PGAP1: variants seen among roughly 807,000 people sequenced by gnomAD.
PGAP1 encodes GPI inositol-deacylase.
Under a neutral mutation model 127.0 loss-of-function variants are expected in PGAP1, and 76 were observed. The observed-to-expected ratio is 0.60, with a 90% CI of 0.50 to 0.72. The LOEUF is 0.72. PGAP1 is among the 30% of genes least tolerant of loss of function. The probability of loss-of-function intolerance (pLI) is 0.00; values close to 1 mark genes in which losing one functional copy is unlikely to be tolerated. For missense variants in PGAP1, 982 were observed against 1,071.3 expected, an observed-to-expected ratio of 0.92 and a Z score of 1.16; for synonymous variants, 362 against 366.5, an observed-to-expected ratio of 0.99 and a Z score of 0.14.
chr2:196,837,661 A>G lies in PGAP1; in HGVS notation c.*3573T>C, dbSNP rs1048932289. The G allele has an allele frequency of 6.6e-6, 1 of 152,178 alleles. No homozygotes were observed. The highest frequency in any genetic ancestry group is 1.5e-5 in the Non-Finnish European group (1 of 68,026). 9.4% of individuals were successfully genotyped at this position (152,178 alleles called of 1,614,324 possible). A position where few individuals can be genotyped will look rare whatever the true frequency, so the allele number is the denominator to read the frequency against. ...ACATATAGGAACTAAATAATGAACA[A>G]AACAAATAATCCACCTCATGTAAGT... is the stretch of plus-strand genomic sequence containing the variant. On this transcript the variant is annotated 3_prime_UTR_variant, in exon 27 of 27. Coordinates refer to ENST00000354764, the MANE Select transcript of PGAP1 (RefSeq NM_024989.4).
chr2:196,913,403 G>T (rs766074159), intron 3 of PGAP1, among the ~76,000 whole-genome samples: 1 of 152,128 alleles, frequency 6.6e-6, no homozygotes, highest in African/African-American at 2.4e-5. Context: ...ATAAGAAATC[G>T]GATAATTTGT....
At chr2:196,859,669 G>A (rs1236670859) in intron 20 of PGAP1, among the ~76,000 whole-genome samples, 1 of 152,054 alleles carries the variant, frequency 6.6e-6, no homozygotes, top group African/African-American at 2.4e-5. Context: ...CATTCACCAC[G>A]ATGAAGTGGG....
In PGAP1 at chr2:196,916,451, A is replaced by G. The variant is rs764391349; in HGVS notation, c.444T>C (p.His148=). The part of the protein sequence containing the change: ...GSLQKQTKFV[H]ECIKTILKLY... Reference sequence around the variant, plus strand: ...GTTTGAGAATTGTTTTAATACATTCATGTACAAACTTGGTCTGCTTCTGAA... The same window carrying G: ...GTTTGAGAATTGTTTTAATACATTCGTGTACAAACTTGGTCTGCTTCTGAA... Residue 148 remains histidine (H), a synonymous_variant, in exon 3 of 27, where the codon CAT becomes CAC. Coordinates refer to ENST00000354764, the MANE Select transcript of PGAP1 (RefSeq NM_024989.4). 3.9e-5 allele frequency: 63 copies of G among 1,612,780 alleles called. No individual in the cohort carries two copies. Among genetic ancestry groups the G allele is most frequent in the Non-Finnish European group, 5.3e-5 (62 of 1,179,534 alleles).
Position 196,844,578 on chromosome 2 carries a change from A to C in PGAP1, c.2287-4T>G. 6.3e-7 allele frequency: 1 copy of C among 1,585,782 alleles called. No homozygotes were observed. The highest frequency in any genetic ancestry group is 8.6e-7 in the Non-Finnish European group (1 of 1,167,406). ...AGCTGGCTTGCAGATGAACAACCTA[A>C]GAAAAATAAATTGCTCTTTAATTTT... On this transcript the variant is annotated splice_polypyrimidine_tract_variant and splice_region_variant and intron_variant, in intron 23 of 26. Transcript: ENST00000354764.
At chr2:196,895,618 G>A (rs1015122958) in intron 7 of PGAP1, among the ~76,000 whole-genome samples, 10 of 152,170 alleles carry the variant, frequency 6.6e-5, no homozygotes, top group Non-Finnish European at 1.2e-4. Flanking sequence ...AGCTTAAAAT[G>A]TGGTAAAACA....
intron 12 of PGAP1, among the ~76,000 whole-genome samples, chr2:196,883,824 A>G (rs1701807541): frequency 6.6e-6 from 1 of 152,234 alleles, no homozygotes; most frequent in Non-Finnish European, 1.5e-5. Context: ...GCTAATACAT[A>G]TTACATTCAA....
In PGAP1 at chr2:196,840,379, T is replaced by G. The variant is rs1191551656; in HGVS notation, c.*855A>C. The G allele has an allele frequency of 6.6e-6, 1 of 152,134 alleles. No individual in the cohort carries two copies. Among genetic ancestry groups the G allele is most frequent in the African/African-American group, 2.4e-5 (1 of 41,422 alleles). The allele number at this position is 152,134 out of a possible 1,614,324, so 9.4% of individuals were successfully genotyped here. A position where few individuals can be genotyped will look rare whatever the true frequency, so the allele number is the denominator to read the frequency against. Reference sequence around the variant, plus strand: ...GGAATTTAGTTATTTTAACAATCCATTATGACCTCAGGCACTTTTGGCAAC... The same window carrying G: ...GGAATTTAGTTATTTTAACAATCCAGTATGACCTCAGGCACTTTTGGCAAC... On this transcript the variant is annotated 3_prime_UTR_variant, in exon 27 of 27. Coordinates refer to ENST00000354764, the MANE Select transcript of PGAP1 (RefSeq NM_024989.4).
chr2:196,845,838 C>A, intron 23 of PGAP1, 44 bp downstream of exon 23: 1 of 1,540,416 alleles, frequency 6.5e-7, no homozygotes. Context: ...ATGTATGTGC[C>A]TAATACAAAG....
At chr2:196,890,193 C>T (rs1449314835) in intron 10 of PGAP1, among the ~76,000 whole-genome samples, 1 of 152,072 alleles carries the variant, frequency 6.6e-6, no homozygotes, top group Non-Finnish European at 1.5e-5. Flanking sequence ...CCTCAGCCTC[C>T]CAAGGTGCTA....
chr2:196,890,028 G>A (rs332295), intron 10 of PGAP1, among the ~76,000 whole-genome samples: 14,622 of 151,728 alleles, frequency 0.096, 738 homozygotes, highest in South Asian at 0.13. Context: ...TCAACCTCTC[G>A]GTTCAAGTGA....
chr2:196,901,681 G>C (rs1018057906), intron 5 of PGAP1, among the ~76,000 whole-genome samples: 1 of 152,194 alleles, frequency 6.6e-6, no homozygotes, highest in Non-Finnish European at 1.5e-5. Flanking sequence ...CCCAGTTAAA[G>C]ACCAAATACT....
At chr2:196,861,088 A>T (rs1701048655) in intron 20 of PGAP1, among the ~76,000 whole-genome samples, 1 of 152,218 alleles carries the variant, frequency 6.6e-6, no homozygotes, top group African/African-American at 2.4e-5. Flanking sequence ...TGGAGAAAGG[A>T]TAGTCTTTTC....
intron 20 of PGAP1, among the ~76,000 whole-genome samples, chr2:196,849,694 A>G (rs904146435): frequency 1.3e-5 from 2 of 152,196 alleles, no homozygotes; most frequent in African/African-American, 4.8e-5. Flanking sequence ...TTGAAATTGT[A>G]TAAAAGTAAC....
intron 19 of PGAP1, among the ~76,000 whole-genome samples, chr2:196,869,245 T>C (rs1701336459): frequency 6.6e-6 from 1 of 152,178 alleles, no homozygotes; most frequent in Admixed American, 6.5e-5. Flanking sequence ...AGAGAATATG[T>C]TATATTCCTA....
rs780313210 is a variant in PGAP1 at position 196,902,781 on chromosome 2, C to T, written c.650-39G>A. On this transcript the variant is annotated intron_variant, in intron 4 of 26. Transcript: ENST00000354764. ...AAAAAGAGACATTAAAAAACAGTAG[C>T]CATTCCCTGAAACAATAAGATATCT... The T allele has an allele frequency of 4.0e-6, 6 of 1,487,746 alleles. No homozygotes were observed. The South Asian group carries it at 7.3e-5, about 18-fold the overall frequency. 92.2% of individuals were successfully genotyped at this position (1,487,746 alleles called of 1,614,324 possible). A position where few individuals can be genotyped will look rare whatever the true frequency, so the allele number is the denominator to read the frequency against.
chr2:196,903,731 C>T (rs1008238148), intron 4 of PGAP1, among the ~76,000 whole-genome samples: 3 of 152,126 alleles, frequency 2.0e-5, no homozygotes, highest in Admixed American at 2.0e-4. Flanking sequence ...TAGGGTTCAA[C>T]CCATTTATTG....
intron 19 of PGAP1, among the ~76,000 whole-genome samples, chr2:196,867,705 A>AT (rs1029693370): frequency 6.6e-6 from 1 of 152,172 alleles, no homozygotes; most frequent in Admixed American, 6.5e-5. Flanking sequence ...ATTCCACAGA[A>AT]TTTTTTTAGA....
In PGAP1 at chr2:196,855,223, G is replaced by A. The variant is rs538804644; in HGVS notation, c.1862-7186C>T. On this transcript the variant is annotated intron_variant, in intron 20 of 26. Coordinates refer to ENST00000354764, the MANE Select transcript of PGAP1 (RefSeq NM_024989.4). Reference sequence around the variant, plus strand: ...CACCTGTAGTCCCAGCTACTGGGGAGGCTGAGGCAGGAGAATCACTTGAAC... The same window carrying A: ...CACCTGTAGTCCCAGCTACTGGGGAAGCTGAGGCAGGAGAATCACTTGAAC... Among the ~76,000 whole-genome samples, 3 of 151,520 alleles carry A rather than the reference G, an allele frequency of 2.0e-5. No individual in the cohort carries two copies. The South Asian group carries it at 6.3e-4, about 32-fold the overall frequency.
chr2:196,905,800 G>A (rs1702689651), intron 4 of PGAP1, among the ~76,000 whole-genome samples: 1 of 140,148 alleles, frequency 7.1e-6, no homozygotes, highest in East Asian at 2.1e-4. Context: ...AAGCGCAAGG[G>A]GTCAGGGAGT....
Sources: gnomAD v4.1 joint callset for allele counts (sites outside exome capture counted in the v4.1 genomes callset) on GRCh38, gnomAD v4.1.1 for gene constraint, MANE v1.5 for transcripts, NCBI Gene and HGNC (gene_info 2026-07-23, HGNC 2026-07-21) for gene names.